RNF38: variants seen among roughly 807,000 people sequenced by gnomAD.
The protein encoded by RNF38 is E3 ubiquitin-protein ligase RNF38.
In RNF38, 15 loss-of-function variants were observed where a neutral mutation model predicts 67.2. The ratio of observed to expected loss-of-function variants is 0.22; its 90% CI spans 0.15 to 0.34. The LOEUF (loss-of-function observed/expected upper bound fraction) is 0.34, where lower values mean the gene tolerates loss of function less well. Among genes scored for constraint, RNF38 ranks in the 10% least tolerant of loss-of-function variants. The probability of loss-of-function intolerance (pLI) is 1.00; values close to 1 mark genes in which losing one functional copy is unlikely to be tolerated. For missense variants in RNF38, 524 were observed against 639.9 expected (o/e 0.82, Z 1.95); for synonymous variants, 220 against 218.8 (o/e 1.01, Z -0.05).
intron 1 of RNF38, among the ~76,000 whole-genome samples, chr9:36,467,258 C>T (rs1237024793): frequency 1.6e-5 from 2 of 126,148 alleles, no homozygotes; most frequent in Admixed American, 8.9e-5. Flanking sequence ...CACACACACA[C>T]ATATACACAC....
At chr9:36,483,152 C>T (rs1054742032) in intron 1 of RNF38, among the ~76,000 whole-genome samples, 1 of 152,042 alleles carries the variant, frequency 6.6e-6, no homozygotes, top group African/African-American at 2.4e-5. Flanking sequence ...TTTGGAAGGC[C>T]GAGGCAGGCT....
chr9:36,368,794 T>G (rs1389438323), intron 4 of RNF38, among the ~76,000 whole-genome samples: 2 of 152,212 alleles, frequency 1.3e-5, no homozygotes, highest in African/African-American at 2.4e-5. Flanking sequence ...ATTAGCATTC[T>G]CTGGTAATTT....
At chr9:36,358,141 C>A (rs1421695762) in intron 4 of RNF38, among the ~76,000 whole-genome samples, 199 bp from the exon 5 acceptor site, 2 of 152,066 alleles carry the variant, frequency 1.3e-5, no homozygotes, top group Non-Finnish European at 2.9e-5. Context: ...ACTATTTCCA[C>A]AAAATTGGGG....
intron 1 of RNF38, chr9:36,487,235 C>G: frequency 1.1e-6 from 1 of 925,226 alleles, no homozygotes; most frequent in Non-Finnish European, 1.3e-6. Flanking sequence ...GCGCCTGGAC[C>G]ACACGCCTCC....
chr9:36,352,402 A>T (rs918498661), intron 8 of RNF38, among the ~76,000 whole-genome samples: 11 of 152,086 alleles, frequency 7.2e-5, no homozygotes, highest in Non-Finnish European at 1.5e-5. Context: ...AAATAAATAA[A>T]TTTTTCTCCT....
intron 1 of RNF38, among the ~76,000 whole-genome samples, chr9:36,438,407 AC>A (rs573687643): frequency 1.1e-3 from 168 of 151,956 alleles, no homozygotes; most frequent in African/African-American, 3.8e-3. Context: ...ACATTAAGAG[AC>A]TTTTTTTGTG....
chr9:36,446,935 A>G (rs1839319149), intron 1 of RNF38, among the ~76,000 whole-genome samples: 1 of 150,416 alleles, frequency 6.6e-6, no homozygotes, highest in Non-Finnish European at 1.5e-5. Context: ...AATCTGGCCA[A>G]TGTGGTGAAA....
At position 36,415,806 on chromosome 9, in the gene RNF38, T is replaced by C. The variant is rs116122184; in HGVS notation, n.312+8807A>G. On this transcript the variant is annotated intron_variant and non_coding_transcript_variant, in intron 2 of 3. Coordinates refer to the RNF38 transcript ENST00000488058. Reference sequence around the variant, plus strand: ...AATGCTGGTTGTGCTGGCAGTGAAGTTGTAACATGGACAGACTCAGAACCT... The same window carrying C: ...AATGCTGGTTGTGCTGGCAGTGAAGCTGTAACATGGACAGACTCAGAACCT... Among the ~76,000 whole-genome samples the C allele has an allele frequency of 5.2e-3, 797 of 152,240 alleles. 10 individuals carry two copies. The highest frequency in any genetic ancestry group is 0.018 in the African/African-American group (754 of 41,516).
intron 1 of RNF38, among the ~76,000 whole-genome samples, chr9:36,467,440 CA>C (rs1436232592): frequency 6.6e-6 from 1 of 151,632 alleles, no homozygotes; most frequent in Non-Finnish European, 1.5e-5. Flanking sequence ...GAAAACAGCC[CA>C]GTGCAAGGAG....
At chr9:36,355,246 C>A (rs1411550133) in intron 6 of RNF38, among the ~76,000 whole-genome samples, 1 of 152,184 alleles carries the variant, frequency 6.6e-6, no homozygotes, top group East Asian at 1.9e-4. Context: ...CAAGTTCTTT[C>A]CACAGAGCTG....
intron 1 of RNF38, among the ~76,000 whole-genome samples, chr9:36,399,759 G>A (rs1177553586): frequency 6.6e-6 from 1 of 151,974 alleles, no homozygotes; most frequent in Non-Finnish European, 1.5e-5. Context: ...GATTCCAACT[G>A]TCCCTATAAA....
intron 10 of RNF38, among the ~76,000 whole-genome samples, chr9:36,343,596 T>A (rs1405293888): frequency 6.6e-6 from 1 of 151,214 alleles, no homozygotes; most frequent in Non-Finnish European, 1.5e-5. Context: ...TAAAAAAAAA[T>A]AGACAATATA....
chr9:36,436,329 C>A (rs1410093313), intron 1 of RNF38, among the ~76,000 whole-genome samples: 4 of 152,116 alleles, frequency 2.6e-5, no homozygotes, highest in Admixed American at 6.6e-5. Context: ...CAGTGATAAT[C>A]CAAACAAGAA....
chr9:36,454,410 T>A (rs1050683977), intron 1 of RNF38, among the ~76,000 whole-genome samples: 16 of 152,022 alleles, frequency 1.1e-4, no homozygotes, highest in Non-Finnish European at 5.9e-5. Context: ...GTTACAGGCA[T>A]GAACCACCAC....
chr9:36,365,809 G>A (rs534650787), intron 4 of RNF38, among the ~76,000 whole-genome samples: 1 of 151,350 alleles, frequency 6.6e-6, no homozygotes, highest in Non-Finnish European at 1.5e-5. Context: ...GGGACTACAG[G>A]TGCGCGCCAC....
chr9:36,457,104 T>C (rs939065408), intron 1 of RNF38, among the ~76,000 whole-genome samples: 1 of 150,844 alleles, frequency 6.6e-6, no homozygotes, highest in Non-Finnish European at 1.5e-5. Context: ...TTTAAATTCA[T>C]GGATGCTGGT....
At chr9:36,400,373 C>G (rs1326412160), upstream of RNF38, 3 of 1,180,262 alleles carry the variant, frequency 2.5e-6, no homozygotes, top group South Asian at 3.2e-5. Flanking sequence ...GGCCATCTGC[C>G]GGGCAGCGGG....
At chr9:36,462,012 T>C (rs182359174) in intron 1 of RNF38, among the ~76,000 whole-genome samples, 2 of 151,976 alleles carry the variant, frequency 1.3e-5, no homozygotes, top group African/African-American at 2.4e-5. Flanking sequence ...GGAAAAGAGG[T>C]TGGCAAAAAG....
At chr9:36,393,524 G>GT (rs1554689613) in intron 1 of RNF38, among the ~76,000 whole-genome samples, 3,216 of 84,068 alleles carry the variant, frequency 0.038, 53 homozygotes, top group East Asian at 0.047. Flanking sequence ...TGTGTGTGTG[G>GT]GGCAGGCAGT....
Sources: allele counts gnomAD v4.1 joint callset (sites outside exome capture counted in the v4.1 genomes callset), GRCh38; gene constraint gnomAD v4.1.1; transcripts MANE v1.5; gene names NCBI Gene and HGNC (gene_info 2026-07-23, HGNC 2026-07-21).